Variants in ANKS1B observed in about 807,000 individuals in gnomAD.
The protein encoded by ANKS1B is ankyrin repeat and sterile alpha motif domain containing 1B.
A neutral mutation model predicts 148.3 loss-of-function variants in ANKS1B; 36 were observed. That is an observed-to-expected ratio of 0.24 (90% CI 0.19 to 0.32). The LOEUF is 0.32. ANKS1B is among the 10% of genes least tolerant of loss of function. The pLI is 1.00. For missense variants in ANKS1B, 1,157 were observed against 1,542.6 expected (o/e 0.75, Z 4.19); for synonymous variants, 542 against 560.8 (o/e 0.97, Z 0.47).
intron 15 of ANKS1B, among the ~76,000 whole-genome samples, chr12:99,111,049 C>T (rs2060183617): frequency 1.3e-5 from 2 of 152,228 alleles, no homozygotes; most frequent in South Asian, 4.2e-4. Context: ...CACATCTGTG[C>T]CCCCTGGAAG....
At chr12:99,058,930 G>A (rs1273300285) in intron 16 of ANKS1B, among the ~76,000 whole-genome samples, 1 of 150,866 alleles carries the variant, frequency 6.6e-6, no homozygotes, top group Non-Finnish European at 1.5e-5. Flanking sequence ...GTAGAGACGG[G>A]GTTTCACCGT....
At chr12:99,866,229 C>T (rs1017564029) in intron 1 of ANKS1B, among the ~76,000 whole-genome samples, 1 of 152,086 alleles carries the variant, frequency 6.6e-6, no homozygotes, top group Non-Finnish European at 1.5e-5. Flanking sequence ...GGAATTAAAG[C>T]CATTTTGCCT....
At chr12:99,143,158 T>C (rs1370025155) in intron 15 of ANKS1B, among the ~76,000 whole-genome samples, 1 of 152,168 alleles carries the variant, frequency 6.6e-6, no homozygotes, top group East Asian at 1.9e-4. Flanking sequence ...TGTTCCATAA[T>C]TCTTTCAATA....
intron 19 of ANKS1B, among the ~76,000 whole-genome samples, chr12:98,825,869 AAGC>A (rs1420633070): frequency 1.3e-5 from 2 of 152,218 alleles, no homozygotes; most frequent in Non-Finnish European, 2.9e-5. Flanking sequence ...TCAGAATTAA[AAGC>A]TGATCTGCCA....
chr12:99,881,803 T>C (rs547424680), intron 1 of ANKS1B, among the ~76,000 whole-genome samples: 127 of 152,330 alleles, frequency 8.3e-4, no homozygotes, highest in Non-Finnish European at 1.6e-3. Flanking sequence ...TCTGGGTTGA[T>C]TGCATGCTAA....
At chr12:99,020,306 T>C (rs2099945019) in intron 17 of ANKS1B, among the ~76,000 whole-genome samples, 1 of 152,182 alleles carries the variant, frequency 6.6e-6, no homozygotes, top group South Asian at 2.1e-4. Flanking sequence ...GATTGACTAC[T>C]CTAGGTACCT....
At chr12:99,215,744 C>G (rs2084068017) in intron 14 of ANKS1B, among the ~76,000 whole-genome samples, 1 of 152,234 alleles carries the variant, frequency 6.6e-6, no homozygotes, top group South Asian at 2.1e-4. Context: ...CCTGTACCCT[C>G]ATTATACCTA....
intron 12 of ANKS1B, among the ~76,000 whole-genome samples, chr12:99,309,403 C>T (rs980037689): frequency 2.0e-5 from 3 of 151,782 alleles, no homozygotes; most frequent in Non-Finnish European, 4.4e-5. Flanking sequence ...TAGTTTTCCA[C>T]ATATTGAAAC....
intron 12 of ANKS1B, among the ~76,000 whole-genome samples, chr12:99,350,816 G>A (rs970686568): frequency 6.6e-6 from 1 of 152,030 alleles, no homozygotes; most frequent in Non-Finnish European, 1.5e-5. Context: ...CTTAGGCTCA[G>A]TATTTTCAAA....
At chr12:99,654,929 T>G in intron 9 of ANKS1B, 138 bp downstream of exon 9, 1 of 960,966 alleles carries the variant, frequency 1.0e-6, no homozygotes, top group Non-Finnish European at 1.5e-6. Context: ...TACTTGACAC[T>G]TTGAGAAAAA....
intron 17 of ANKS1B, among the ~76,000 whole-genome samples, chr12:98,964,047 G>A (rs1025731731): frequency 5.3e-5 from 8 of 151,902 alleles, no homozygotes; most frequent in Admixed American, 1.3e-4. Flanking sequence ...GCGGTGAGTC[G>A]AGATCGTGCC....
At chr12:99,264,495 C>A (rs1303324578) in intron 12 of ANKS1B, among the ~76,000 whole-genome samples, 2 of 152,138 alleles carry the variant, frequency 1.3e-5, no homozygotes. Flanking sequence ...TATGATCTTA[C>A]AGTTTTAACC....
intron 9 of ANKS1B, among the ~76,000 whole-genome samples, chr12:99,652,409 G>A (rs931108536): frequency 5.3e-5 from 8 of 151,804 alleles, no homozygotes; most frequent in African/African-American, 1.9e-4. Context: ...GGAGGCAGAG[G>A]TTGCAGTGAT....
intron 17 of ANKS1B, among the ~76,000 whole-genome samples, chr12:98,877,222 C>T (rs190779991): frequency 6.6e-6 from 1 of 152,292 alleles, no homozygotes; most frequent in East Asian, 1.9e-4. Flanking sequence ...GTCTCAGAGA[C>T]AGGGCAGTGT....
chr12:99,361,226 T>C (rs1224001810), intron 12 of ANKS1B, among the ~76,000 whole-genome samples: 3 of 152,058 alleles, frequency 2.0e-5, no homozygotes, highest in Non-Finnish European at 4.4e-5. Context: ...AAGCATCACA[T>C]GTACCCCCAT....
At chr12:99,928,032 T>C (rs960998657) in intron 1 of ANKS1B, among the ~76,000 whole-genome samples, 5 of 152,020 alleles carry the variant, frequency 3.3e-5, no homozygotes, top group Non-Finnish European at 7.4e-5. Flanking sequence ...AAGGCTGAAA[T>C]TCATTATCTT....
chr12:99,794,568 C>T (rs1337077162), intron 4 of ANKS1B, among the ~76,000 whole-genome samples: 2 of 151,366 alleles, frequency 1.3e-5, no homozygotes, highest in Non-Finnish European at 2.9e-5. Flanking sequence ...AACTGGAGAT[C>T]ATTATATTAA....
At chr12:98,980,420 A>T (rs2099907893) in intron 17 of ANKS1B, among the ~76,000 whole-genome samples, 1 of 152,146 alleles carries the variant, frequency 6.6e-6, no homozygotes, top group African/African-American at 2.4e-5. Flanking sequence ...GTTAGCCAGG[A>T]TGGTCTAGAT....
intron 1 of ANKS1B, among the ~76,000 whole-genome samples, chr12:99,969,995 T>C (rs1406718455): frequency 6.6e-6 from 1 of 152,210 alleles, no homozygotes; most frequent in African/African-American, 2.4e-5. Flanking sequence ...AAAAGTGGCC[T>C]GTGTGATGTT....
Sources: allele counts gnomAD v4.1 joint callset (sites outside exome capture counted in the v4.1 genomes callset), GRCh38; gene constraint gnomAD v4.1.1; transcripts MANE v1.5; gene names NCBI Gene and HGNC (gene_info 2026-07-23, HGNC 2026-07-21).